Variants in NEDD4L observed in about 807,000 individuals in gnomAD.
NEDD4L encodes the protein NEDD4 like E3 ubiquitin protein ligase, also known as E3 ubiquitin-protein ligase NEDD4-like.
NEDD4L carries 54 observed loss-of-function variants against 148.9 expected under a neutral mutation model. That is an observed-to-expected ratio of 0.36 (90% CI 0.29 to 0.45). The LOEUF (loss-of-function observed/expected upper bound fraction) is 0.45. Among genes scored for constraint, NEDD4L ranks in the 20% least tolerant of loss-of-function variants. NEDD4L has a pLI of 1.00. For missense variants in NEDD4L, 856 were observed against 1,233.8 expected (o/e 0.69, Z 4.59); for synonymous variants, 433 against 440.7 (o/e 0.98, Z 0.22).
chr18:58,348,311 C>CTTTTTCTTT lies in NEDD4L; in HGVS notation c.1576-1211_1576-1203dup, dbSNP rs1310183258. On this transcript the variant is annotated intron_variant, in intron 16 of 30. Transcript: ENST00000400345. Reference sequence around the variant, plus strand: ...CTGCATCTGGCCTTACACTGCATTTCTTTTTCTTTTTTTTCTTTTTTTTTT... The same window carrying CTTTTTCTTT: ...CTGCATCTGGCCTTACACTGCATTTCTTTTTCTTTTTTTTCTTTTTTTTCTTTTTTTTTT... Among the ~76,000 whole-genome samples the CTTTTTCTTT allele has an allele frequency of 1.1e-3, 129 of 118,016 alleles. 1 individual carries two copies. The highest frequency in any genetic ancestry group is 4.3e-3 in the African/African-American group (122 of 28,168). 77.4% of individuals were successfully genotyped at this position (118,016 alleles called of 152,430 possible). A position where few individuals can be genotyped will look rare whatever the true frequency, so the allele number is the denominator to read the frequency against.
At chr18:58,191,871 A>T (rs1372923365) in intron 2 of NEDD4L, among the ~76,000 whole-genome samples, 2 of 152,228 alleles carry the variant, frequency 1.3e-5, no homozygotes, top group African/African-American at 2.4e-5. Flanking sequence ...CTGACAAGGT[A>T]CATGGTACAA....
At chr18:58,051,270 C>T (rs1042698653) in intron 1 of NEDD4L, among the ~76,000 whole-genome samples, 8 of 152,080 alleles carry the variant, frequency 5.3e-5, no homozygotes, top group Non-Finnish European at 1.0e-4. Flanking sequence ...AAAACAAAGG[C>T]AAACAAACAA....
chr18:58,177,520 G>A (rs1488908761), intron 2 of NEDD4L, among the ~76,000 whole-genome samples: 1 of 152,172 alleles, frequency 6.6e-6, no homozygotes, highest in East Asian at 1.9e-4. Flanking sequence ...TCGTTTCTCT[G>A]AACCTTTTTA....
chr18:58,370,063 C>T (rs1391098968), intron 22 of NEDD4L, among the ~76,000 whole-genome samples: 1 of 152,240 alleles, frequency 6.6e-6, no homozygotes, highest in African/African-American at 2.4e-5. Context: ...GGCAAGTCCC[C>T]AGCCTTGTTC....
At chr18:58,194,081 A>G (rs150846259) in intron 2 of NEDD4L, 4 of 152,276 alleles carry the variant, frequency 2.6e-5, no homozygotes. Flanking sequence ...CCTGATTACG[A>G]GTCTGTGGGA....
chr18:58,170,209 A>G lies in NEDD4L; in HGVS notation c.122+4348A>G, dbSNP rs2037395532. On this transcript the variant is annotated intron_variant, in intron 2 of 30. Coordinates refer to ENST00000400345, the MANE Select transcript of NEDD4L (RefSeq NM_001144967.3). ...GCCTGTGTTTTCCCCTCTGCCTGGC[A>G]TCTGCTCACATCCTTTCTGGCAGCT... Among the ~76,000 whole-genome samples, 6 of 152,268 alleles carry G rather than the reference A, an allele frequency of 3.9e-5. No individual in the cohort carries two copies. In the South Asian group the frequency reaches 1.0e-3, roughly 26 times the overall value.
At chr18:58,094,415 G>A (rs745813995) in intron 1 of NEDD4L, among the ~76,000 whole-genome samples, 1 of 151,846 alleles carries the variant, frequency 6.6e-6, no homozygotes. Flanking sequence ...TCGAGCTCCC[G>A]GGCTCAAGCG....
chr18:58,213,767 T>A (rs897940545), intron 2 of NEDD4L, among the ~76,000 whole-genome samples: 4 of 152,346 alleles, frequency 2.6e-5, no homozygotes, highest in African/African-American at 4.8e-5. Context: ...GTTTTTTTTT[T>A]AATTCTAGTC....
intron 5 of NEDD4L, among the ~76,000 whole-genome samples, chr18:58,277,591 T>TGTAAATGGG (rs953567199): frequency 4.6e-5 from 7 of 152,266 alleles, no homozygotes; most frequent in African/African-American, 1.7e-4. Flanking sequence ...TCTCAGTGGG[T>TGTAAATGGG]GTAAATGGGG....
rs1175319060 is a variant in NEDD4L at position 58,256,142 on chromosome 18, G to A, written c.297+4088G>A. ...CCGGGACCCAGGGCTCCAGGTCAAC[G>A]GCACGTGCGGCCGCCGCGTGCGGTG... On this transcript the variant is annotated intron_variant, in intron 5 of 30. Coordinates refer to ENST00000400345, the MANE Select transcript of NEDD4L (RefSeq NM_001144967.3). The surrounding 1 kb of genome is among the most constrained non-coding windows in gnomAD (Gnocchi z 5.2). The A allele has an allele frequency of 3.3e-6, 4 of 1,223,142 alleles. No homozygotes were observed. The highest frequency in any genetic ancestry group is 8.2e-5 in the South Asian group (2 of 24,278). 75.8% of individuals were successfully genotyped at this position (1,223,142 alleles called of 1,614,324 possible).
In NEDD4L at chr18:58,084,488, G is replaced by A. The variant is rs1222592910; in HGVS notation, c.48+39780G>A. On this transcript the variant is annotated intron_variant, in intron 1 of 30. Coordinates refer to ENST00000400345, the MANE Select transcript of NEDD4L (RefSeq NM_001144967.3). ...TGGGGGTGGTGGTGTGTTAGTTTTT[G>A]AGGGCTGCCATAGCAAAACACCACA... Among the ~76,000 whole-genome samples the A allele has an allele frequency of 3.9e-5, 6 of 152,156 alleles. No individual in the cohort carries two copies. The South Asian group carries it at 1.0e-3, about 26-fold the overall frequency.
At chr18:58,267,577 A>AATTGTCTCGGG (rs2050399781) in intron 5 of NEDD4L, among the ~76,000 whole-genome samples, 1 of 151,996 alleles carries the variant, frequency 6.6e-6, no homozygotes, top group Non-Finnish European at 1.5e-5. Flanking sequence ...GAATACCAGG[A>AATTGTCTCGGG]AAGATCATGG....
Position 58,398,026 on chromosome 18 carries a change from T to G in NEDD4L, c.*1757T>G, listed in dbSNP as rs905969869. ...ATGGAAGGTTGTGGTTGTAAATGAG[T>G]TGTCTAAAGGGGTGCAGAGGCCTGA... On this transcript the variant is annotated 3_prime_UTR_variant, in exon 31 of 31. Transcript: ENST00000400345. 1.3e-5 allele frequency: 2 copies of G among 151,714 alleles called. No homozygotes were observed. Among genetic ancestry groups the G allele is most frequent in the Non-Finnish European group, 2.9e-5 (2 of 67,936 alleles). The allele number at this position is 151,714 out of a possible 1,614,324, so 9.4% of individuals were successfully genotyped here.
intron 24 of NEDD4L, among the ~76,000 whole-genome samples, chr18:58,379,660 T>C (rs1005601054): frequency 2.0e-5 from 3 of 152,148 alleles, no homozygotes; most frequent in African/African-American, 7.2e-5. Flanking sequence ...TAAGCCAGTG[T>C]GGTGGGCTGG....
intron 1 of NEDD4L, among the ~76,000 whole-genome samples, chr18:58,102,182 TG>T (rs2084795118): frequency 6.6e-6 from 1 of 152,188 alleles, no homozygotes; most frequent in Admixed American, 6.5e-5. Context: ...CCTCCATGAC[TG>T]CCTGCATTTG....
chr18:58,088,613 A>G (rs976038249), intron 1 of NEDD4L, among the ~76,000 whole-genome samples: 9 of 152,256 alleles, frequency 5.9e-5, no homozygotes, highest in African/African-American at 2.2e-4. Flanking sequence ...TCGTGAAAGG[A>G]ACATATAAAC....
At chr18:58,087,558 T>C (rs1327011189) in intron 1 of NEDD4L, among the ~76,000 whole-genome samples, 1 of 152,166 alleles carries the variant, frequency 6.6e-6, no homozygotes, top group Non-Finnish European at 1.5e-5. Flanking sequence ...ACAGATTGCC[T>C]CAAAGCTTAG....
chr18:58,213,170 A>T (rs114097725), intron 2 of NEDD4L, among the ~76,000 whole-genome samples: 32 of 152,276 alleles, frequency 2.1e-4, no homozygotes, highest in African/African-American at 7.5e-4. Flanking sequence ...TGAAAAGCAG[A>T]TGGGCAATGT....
chr18:58,199,023 C>G (rs955072342), intron 2 of NEDD4L, among the ~76,000 whole-genome samples: 1 of 152,182 alleles, frequency 6.6e-6, no homozygotes, highest in Non-Finnish European at 1.5e-5. Context: ...AACTCCTGAC[C>G]TCAGGTGATC....
Sources: gnomAD v4.1 joint callset for allele counts (sites outside exome capture counted in the v4.1 genomes callset) on GRCh38, gnomAD v4.1.1 for gene constraint, Gnocchi (gnomAD v3.1) non-coding constraint, MANE v1.5 for transcripts, NCBI Gene and HGNC (gene_info 2026-07-23, HGNC 2026-07-21) for gene names.